Variants in XIRP2 observed in about 807,000 individuals in gnomAD.
XIRP2 encodes xin actin binding repeat containing 2.
XIRP2 carries 236 observed loss-of-function variants against 277.0 expected under a neutral mutation model. The ratio of observed to expected loss-of-function variants is 0.85; its 90% CI spans 0.77 to 0.95. The LOEUF (loss-of-function observed/expected upper bound fraction) is 0.95. XIRP2 is among the 40% of genes least tolerant of loss of function. The pLI, the probability that XIRP2 is intolerant of heterozygous loss-of-function variation, is 0.00. For synonymous variants in XIRP2, 1,490 were observed against 1,416.5 expected (o/e 1.05, Z -1.17); for missense variants, 4,640 against 4,157.5 (o/e 1.12, Z -3.19).
At chr2:167,136,979 G>A (rs1691571790) in intron 3 of XIRP2, among the ~76,000 whole-genome samples, 2 of 152,172 alleles carry the variant, frequency 1.3e-5, no homozygotes, top group Non-Finnish European at 2.9e-5. Flanking sequence ...ATCACCTGGA[G>A]GCTTATTAGA....
intron 3 of XIRP2, among the ~76,000 whole-genome samples, chr2:167,178,585 C>A (rs1295690691): frequency 6.6e-6 from 1 of 151,908 alleles, no homozygotes; most frequent in Non-Finnish European, 1.5e-5. Flanking sequence ...TTAATTAATA[C>A]AGCTTTGTAA....
intron 5 of XIRP2, among the ~76,000 whole-genome samples, chr2:167,230,556 G>A (rs1694720494): frequency 1.3e-5 from 2 of 151,932 alleles, no homozygotes; most frequent in South Asian, 4.1e-4. Context: ...TTGACTTTAG[G>A]TGTTAAAAAT....
At chr2:167,026,857 A>T (rs1324907781) in intron 2 of XIRP2, among the ~76,000 whole-genome samples, 1 of 151,808 alleles carries the variant, frequency 6.6e-6, no homozygotes, top group Admixed American at 6.6e-5. Flanking sequence ...TGACTTGTAG[A>T]GTTTCTGCCG....
chr2:167,033,717 G>C (rs993172466), intron 2 of XIRP2, among the ~76,000 whole-genome samples: 3 of 151,960 alleles, frequency 2.0e-5, no homozygotes, highest in Non-Finnish European at 4.4e-5. Context: ...GGCCAAGAGA[G>C]AATGGCATGA....
chr2:167,019,926 A>G (rs1246983195), intron 2 of XIRP2, among the ~76,000 whole-genome samples: 1 of 152,164 alleles, frequency 6.6e-6, no homozygotes, highest in Non-Finnish European at 1.5e-5. Flanking sequence ...AACTGTAGCA[A>G]GATGATTCTT....
At chr2:166,975,825 CT>C (rs959116398) in intron 2 of XIRP2, among the ~76,000 whole-genome samples, 3 of 143,646 alleles carry the variant, frequency 2.1e-5, no homozygotes, top group African/African-American at 7.8e-5. Context: ...ACTCGGGAGG[CT>C]GAGGCAGGAG....
intron 2 of XIRP2, among the ~76,000 whole-genome samples, chr2:167,023,936 C>G (rs559441270): frequency 3.9e-5 from 6 of 152,084 alleles, no homozygotes; most frequent in African/African-American, 1.4e-4. Flanking sequence ...CTTGGTGATG[C>G]GGGCTCTTTT....
At chr2:167,161,714 A>T (rs1486643269) in intron 3 of XIRP2, among the ~76,000 whole-genome samples, 2 of 152,242 alleles carry the variant, frequency 1.3e-5, no homozygotes, top group Non-Finnish European at 2.9e-5. Context: ...AAGACCTCTG[A>T]CATGTCTTGG....
At chr2:167,084,959 T>G (rs1452435223) in intron 2 of XIRP2, among the ~76,000 whole-genome samples, 1 of 145,060 alleles carries the variant, frequency 6.9e-6, no homozygotes, top group East Asian at 2.0e-4. Context: ...CTGCTCTGAT[T>G]TTAGTTATTT....
intron 2 of XIRP2, among the ~76,000 whole-genome samples, chr2:167,015,772 A>C (rs1687809289): frequency 6.6e-6 from 1 of 151,668 alleles, no homozygotes; most frequent in African/African-American, 2.4e-5. Flanking sequence ...CATTTGTAAA[A>C]ATTTTTAAGT....
intron 2 of XIRP2, among the ~76,000 whole-genome samples, chr2:166,940,168 C>T (rs1471731889): frequency 1.3e-5 from 2 of 152,036 alleles, no homozygotes; most frequent in Non-Finnish European, 2.9e-5. Context: ...TTTCTCTAAA[C>T]TTCTCTTCTC....
chr2:167,248,159 A>G lies in XIRP2; in HGVS notation c.6767A>G (p.Lys2256Arg), dbSNP rs532869627. The G allele has an allele frequency of 5.6e-5, 90 of 1,613,730 alleles. No homozygotes were observed. In the South Asian group the frequency reaches 9.6e-4, roughly 17 times the overall value. The stretch of plus-strand genomic sequence containing the variant: ...TTGAAAAGCCAGGACTTTCTAATGA[A>G]AACAAATACTTCCACAGGCTTAAAA... ...VHLKSQDFLM[K>R]TNTSTGLKMA... The change falls in exon 9 of 11, where the codon AAA (lysine) becomes AGA (arginine). Residue 2256 changes from lysine to arginine, a missense_variant. Physicochemically the swap from Lys to Arg is conservative, Grantham distance 26. Coordinates refer to ENST00000409195, the MANE Select transcript of XIRP2 (RefSeq NM_152381.6).
intron 2 of XIRP2, among the ~76,000 whole-genome samples, chr2:166,970,072 A>G (rs1686538322): frequency 1.3e-5 from 2 of 152,134 alleles, no homozygotes; most frequent in South Asian, 4.1e-4. Flanking sequence ...GACAACATGA[A>G]CCAGAATCTT....
At chr2:166,935,127 G>A (rs1046479427) in intron 2 of XIRP2, among the ~76,000 whole-genome samples, 1 of 152,056 alleles carries the variant, frequency 6.6e-6, no homozygotes, top group Non-Finnish European at 1.5e-5. Context: ...GTACATTGAT[G>A]ATCCTGAAGC....
intron 2 of XIRP2, among the ~76,000 whole-genome samples, chr2:167,097,054 A>G (rs191130567): frequency 6.6e-6 from 1 of 152,172 alleles, no homozygotes; most frequent in African/African-American, 2.4e-5. Flanking sequence ...GTATATGTCA[A>G]TTAGGTTCAC....
chr2:166,967,706 G>T (rs1383396411), intron 2 of XIRP2, among the ~76,000 whole-genome samples: 2 of 151,902 alleles, frequency 1.3e-5, no homozygotes, highest in Non-Finnish European at 2.9e-5. Flanking sequence ...ACTATAATCA[G>T]TAAAACATTG....
intron 3 of XIRP2, among the ~76,000 whole-genome samples, chr2:167,150,496 T>C (rs1001714512): frequency 1.3e-5 from 2 of 151,980 alleles, no homozygotes; most frequent in Non-Finnish European, 2.9e-5. Flanking sequence ...ATGGATACAG[T>C]TTAAATGCCA....
Position 167,250,896 on chromosome 2 carries a change from A to C in XIRP2, c.9504A>C (p.Ala3168=). 3 of 1,613,320 alleles carry C rather than the reference A, an allele frequency of 1.9e-6. No individual in the cohort carries two copies. The highest frequency in any genetic ancestry group is 2.5e-6 in the Non-Finnish European group (3 of 1,179,660). The change falls in exon 9 of 11, where the codon GCA becomes GCC. Residue 3168 remains alanine (A), a synonymous_variant. Transcript: ENST00000409195. ...PMSQKSEIHR[A]NTSPSPPRSR... ...CGCAAAAATCTGAAATTCACAGAGCAAACACTTCCCCTTCTCCACCCAGGA... is the reference window on the plus strand; with the variant it reads ...CGCAAAAATCTGAAATTCACAGAGCCAACACTTCCCCTTCTCCACCCAGGA...
chr2:166,999,770 T>C (rs1687316576), intron 2 of XIRP2, among the ~76,000 whole-genome samples: 1 of 152,132 alleles, frequency 6.6e-6, no homozygotes, highest in Non-Finnish European at 1.5e-5. Flanking sequence ...GTCAACAACA[T>C]TTTTTCTTCC....
Sources: gnomAD v4.1 joint callset for allele counts (sites outside exome capture counted in the v4.1 genomes callset) on GRCh38, gnomAD v4.1.1 for gene constraint, MANE v1.5 for transcripts, NCBI Gene and HGNC (gene_info 2026-07-23, HGNC 2026-07-21) for gene names.